Variants in PFKFB3 observed in about 807,000 individuals in gnomAD.
PFKFB3 encodes the protein 6-phosphofructo-2-kinase/fructose-2,6-biphosphatase 3, also known as 6-phosphofructo-2-kinase/fructose-2,6-bisphosphatase 3.
A neutral mutation model predicts 68.0 loss-of-function variants in PFKFB3; 33 were observed. The observed-to-expected ratio is 0.49, with a 90% CI of 0.37 to 0.65. The LOEUF (loss-of-function observed/expected upper bound fraction) is 0.65, where lower values mean the gene tolerates loss of function less well. PFKFB3 is among the 30% of genes least tolerant of loss of function. PFKFB3 has a pLI of 0.00. For missense variants in PFKFB3, 586 were observed against 712.2 expected, an observed-to-expected ratio of 0.82 and a Z score of 2.02; for synonymous variants, 315 against 288.2, an observed-to-expected ratio of 1.09 and a Z score of -0.94.
At chr10:6,251,276 A>G (rs1846375370) in intron 14 of PFKFB3, among the ~76,000 whole-genome samples, 1 of 152,198 alleles carries the variant, frequency 6.6e-6, no homozygotes, top group Non-Finnish European at 1.5e-5. Flanking sequence ...AGTCTGTGGC[A>G]AAACCAGCCA....
Position 6,193,121 on chromosome 10 carries a change from AT to A in PFKFB3, c.17-20499del, listed in dbSNP as rs1316959744. On this transcript the variant is annotated intron_variant, in intron 1 of 14. Transcript: ENST00000379789. ...ATCCCATCACTTTGAAAGGCAGGAG[AT>A]TTGCTTGAGGCCAGGAGTTTGAGAC... is the stretch of plus-strand genomic sequence containing the variant. Among the ~76,000 whole-genome samples the A allele has an allele frequency of 3.3e-5, 5 of 152,142 alleles. No individual in the cohort carries two copies. In the East Asian group the frequency reaches 9.6e-4, roughly 29 times the overall value.
chr10:6,261,490 G>A, the PFKFB3 span, among the ~76,000 whole-genome samples: 1 of 152,208 alleles, frequency 6.6e-6, no homozygotes, highest in Non-Finnish European at 1.5e-5. Flanking sequence ...AGAATGCATG[G>A]ACACAAAGCA....
chr10:6,220,948 C>CTGT lies in PFKFB3; in HGVS notation c.831+85_831+86insTTG. ...AGGGTGGGTGGGGAGCTGTGTGCTG[C>CTGT]TGCTGCTGCTGCTGCTGCTGCTTGG... On this transcript the variant is annotated intron_variant, in intron 8 of 14. Transcript: ENST00000379775. The surrounding 1 kb of genome is among the most constrained non-coding windows in gnomAD (Gnocchi z 4.1). The CTGT allele has an allele frequency of 1.2e-5, 14 of 1,157,242 alleles. No homozygotes were observed. In the South Asian group the frequency reaches 1.7e-4, roughly 14 times the overall value. 71.7% of individuals were successfully genotyped at this position (1,157,242 alleles called of 1,614,324 possible).
intron 1 of PFKFB3, among the ~76,000 whole-genome samples, chr10:6,206,591 C>G (rs1293335276): frequency 7.3e-6 from 1 of 137,382 alleles, no homozygotes; most frequent in Admixed American, 6.9e-5. Context: ...CTGACCCCCC[C>G]ACCTCCCTCC....
At chr10:6,278,400 C>T in the PFKFB3 span, among the ~76,000 whole-genome samples, 5 of 150,754 alleles carry the variant, frequency 3.3e-5, no homozygotes, top group East Asian at 2.0e-4. Flanking sequence ...TGCAGCCTCC[C>T]GAGTAGCTGG....
At chr10:6,217,278 C>T (rs1844648195) in intron 6 of PFKFB3, 87 bp downstream of exon 6, 2 of 1,133,782 alleles carry the variant, frequency 1.8e-6, no homozygotes, top group Non-Finnish European at 2.7e-6. Context: ...CCGGGTCCGG[C>T]TCGGAAGCGC....
intron 1 of PFKFB3, among the ~76,000 whole-genome samples, chr10:6,196,819 A>G (rs2131837042): frequency 6.6e-6 from 1 of 151,956 alleles, no homozygotes; most frequent in South Asian, 2.1e-4. Flanking sequence ...CTCAGTATTC[A>G]CCATCACAGA....
intron 1 of PFKFB3, among the ~76,000 whole-genome samples, chr10:6,197,174 A>T (rs957208728): frequency 1.3e-5 from 2 of 151,590 alleles, no homozygotes; most frequent in Non-Finnish European, 2.9e-5. Context: ...TAGTAGTTTT[A>T]CCATGTTGGT....
In PFKFB3 at chr10:6,205,252, CT is replaced by C. The variant is rs1388194447; in HGVS notation, c.76+1919del. On this transcript the variant is annotated intron_variant, in intron 1 of 14. Coordinates refer to ENST00000379775, the MANE Select transcript of PFKFB3 (RefSeq NM_004566.4). ...ACATCCTTATTTCAAGTGGTGGTGT[CT>C]TTCTCAGTTTATATAGTCACATTTA... Among the ~76,000 whole-genome samples, 4 of 152,138 alleles carry C rather than the reference CT, an allele frequency of 2.6e-5. No homozygotes were observed. The East Asian group carries it at 7.7e-4, about 29-fold the overall frequency.
At chr10:6,189,182 C>A (rs147621788) in intron 1 of PFKFB3, among the ~76,000 whole-genome samples, 12 of 152,248 alleles carry the variant, frequency 7.9e-5, no homozygotes, top group Admixed American at 2.0e-4. Flanking sequence ...TCTGTAAATT[C>A]CACATTTGGC....
At chr10:6,176,872 CT>C (rs1826428574) in intron 1 of PFKFB3, among the ~76,000 whole-genome samples, 1 of 152,160 alleles carries the variant, frequency 6.6e-6, no homozygotes, top group African/African-American at 2.4e-5. Flanking sequence ...ACAGAACCCT[CT>C]CTTCAAACAA....
At chr10:6,148,083 A>G (rs1372207753) in intron 1 of PFKFB3, among the ~76,000 whole-genome samples, 5 of 152,228 alleles carry the variant, frequency 3.3e-5, no homozygotes, top group Admixed American at 3.3e-4. Flanking sequence ...ATGCACCAGC[A>G]CACGCTAGGT....
chr10:6,270,427 G>C, the PFKFB3 span, among the ~76,000 whole-genome samples: 1 of 152,176 alleles, frequency 6.6e-6, no homozygotes, highest in Non-Finnish European at 1.5e-5. Flanking sequence ...GCCCTTCAAT[G>C]GTTTCCTGTT....
At chr10:6,293,351 T>C in the PFKFB3 span, 1 of 279,404 alleles carries the variant, frequency 3.6e-6, no homozygotes, top group South Asian at 3.8e-5. Context: ...CTTTTCTTTC[T>C]TTCTTTCTTT....
chr10:6,220,941 T>TGTG lies in PFKFB3; in HGVS notation c.831+77_831+79dup. On this transcript the variant is annotated intron_variant, in intron 8 of 14. Transcript: ENST00000379775. This position sits in a 1 kb window ranked among gnomAD's most constrained non-coding sequence, Gnocchi z 4.1. ...GGTCTATAGGGTGGGTGGGGAGCTG[T>TGTG]GTGCTGCTGCTGCTGCTGCTGCTGC... The TGTG allele has an allele frequency of 1.7e-6, 2 of 1,198,650 alleles. No homozygotes were observed. The highest frequency in any genetic ancestry group is 2.4e-6 in the Non-Finnish European group (2 of 842,048). The allele number at this position is 1,198,650 out of a possible 1,614,324, so 74.3% of individuals were successfully genotyped here.
intron 1 of PFKFB3, among the ~76,000 whole-genome samples, chr10:6,164,947 A>T (rs1842083198): frequency 6.6e-6 from 1 of 152,108 alleles, no homozygotes; most frequent in Non-Finnish European, 1.5e-5. Flanking sequence ...GAGACATTCC[A>T]TTCCCAGGGA....
At chr10:6,306,181 G>A in the PFKFB3 span, among the ~76,000 whole-genome samples, 3 of 152,110 alleles carry the variant, frequency 2.0e-5, no homozygotes, top group South Asian at 2.1e-4. Context: ...CTCCAGGTGC[G>A]CATCACTGCA....
At chr10:6,209,765 C>CTTTTTTTT (rs56822740) in intron 1 of PFKFB3, among the ~76,000 whole-genome samples, 11 of 121,240 alleles carry the variant, frequency 9.1e-5, no homozygotes, top group Admixed American at 9.5e-5. Context: ...CTTACCTTTT[C>CTTTTTTTT]TTTTTTTTTT....
chr10:6,220,563 C>T lies in PFKFB3; in HGVS notation c.624-95C>T. 1 of 1,153,638 alleles carries T rather than the reference C, an allele frequency of 8.7e-7. No individual in the cohort carries two copies. The highest frequency in any genetic ancestry group is 1.3e-6 in the Non-Finnish European group (1 of 777,736). The allele number at this position is 1,153,638 out of a possible 1,614,324, so 71.5% of individuals were successfully genotyped here. On this transcript the variant is annotated intron_variant, in intron 7 of 14. Transcript: ENST00000379775. The surrounding 1 kb of genome is among the most constrained non-coding windows in gnomAD (Gnocchi z 4.1). ...TGGAGGGGCCTACGGTCCCGCCTTG[C>T]TGTTCTCTGGGGATCACATCTTCGG...
Sources: gnomAD v4.1 joint callset for allele counts (sites outside exome capture counted in the v4.1 genomes callset) on GRCh38, gnomAD v4.1.1 for gene constraint, Gnocchi (gnomAD v3.1) non-coding constraint, MANE v1.5 for transcripts, NCBI Gene and HGNC (gene_info 2026-07-23, HGNC 2026-07-21) for gene names.